SPTBN1: variants seen among roughly 807,000 people sequenced by gnomAD.
SPTBN1 encodes spectrin beta, non-erythrocytic 1, also known as spectrin beta chain, non-erythrocytic 1.
Under a neutral mutation model 266.4 loss-of-function variants are expected in SPTBN1, and 32 were observed. That is an observed-to-expected ratio of 0.12 (90% confidence interval 0.09 to 0.16). The LOEUF is 0.16. Among genes scored for constraint, SPTBN1 ranks in the 10% least tolerant of loss-of-function variants. SPTBN1 has a pLI of 1.00. For synonymous variants in SPTBN1, 1,336 were observed against 1,162.2 expected (o/e 1.15, Z -3.04); for missense variants, 2,296 against 3,067.1 (o/e 0.75, Z 5.94).
At position 54,562,533 on chromosome 2, in the gene SPTBN1, C is replaced by CTTTTTTTCTT. The variant is rs746897447; in HGVS notation, c.148+35974_148+35975insCTTTTTTTTT. On this transcript the variant is annotated intron_variant, in intron 2 of 35. Coordinates refer to ENST00000356805, the MANE Select transcript of SPTBN1 (RefSeq NM_003128.3). ...AAATGCTTACTTTTCTTTTCTTTTT[C>CTTTTTTTCTT]TTTTTTTTTTTTGAGGCAAGGTCTG... Among the ~76,000 whole-genome samples, 4 of 126,820 alleles carry CTTTTTTTCTT rather than the reference C, an allele frequency of 3.2e-5. 1 individual carries two copies. Among genetic ancestry groups the CTTTTTTTCTT allele is most frequent in the Admixed American group, 8.2e-5 (1 of 12,188 alleles). The allele number at this position is 126,820 out of a possible 152,430, so 83.2% of individuals were successfully genotyped here.
At chr2:54,532,441 C>T (rs770238602) in intron 2 of SPTBN1, among the ~76,000 whole-genome samples, 23 of 152,140 alleles carry the variant, frequency 1.5e-4, no homozygotes, top group Non-Finnish European at 3.1e-4. Context: ...TTTTATACTA[C>T]GTCTTTGAAA....
intron 33 of SPTBN1, among the ~76,000 whole-genome samples, chr2:54,665,428 C>A (rs1681305277): frequency 6.6e-6 from 1 of 152,184 alleles, no homozygotes; most frequent in Non-Finnish European, 1.5e-5. Context: ...CCACTTTATT[C>A]TAATTCACCC....
intron 26 of SPTBN1, chr2:54,652,452 G>C (rs897900913): frequency 6.6e-6 from 1 of 152,144 alleles, no homozygotes; most frequent in Non-Finnish European, 1.5e-5. Flanking sequence ...GGAGTCTCCT[G>C]CTGGATGCAC....
intron 1 of SPTBN1, among the ~76,000 whole-genome samples, chr2:54,465,034 T>TA (rs1472158068): frequency 6.6e-6 from 1 of 152,194 alleles, no homozygotes; most frequent in East Asian, 1.9e-4. Flanking sequence ...ATCAACACTT[T>TA]AAAAATTCTA....
At chr2:54,549,903 A>G (rs1320389276) in intron 2 of SPTBN1, among the ~76,000 whole-genome samples, 1 of 152,214 alleles carries the variant, frequency 6.6e-6, no homozygotes, top group Non-Finnish European at 1.5e-5. Context: ...AGATGGGGAC[A>G]GACATTTATT....
rs772660726 is a variant in SPTBN1, at chr2:54,489,726, C to G, written c.-48+33208C>G. 1.1e-3 allele frequency among the ~76,000 whole-genome samples: 160 copies of G among 152,244 alleles called. No homozygotes were observed. In the Middle Eastern group the frequency reaches 0.02, roughly 19 times the overall value. ...CAAAAAAAACCCAAAAATCACAATTCTGATTTGAGAGCTGATGACAGTTGC... is the reference window on the plus strand; with the variant it reads ...CAAAAAAAACCCAAAAATCACAATTGTGATTTGAGAGCTGATGACAGTTGC... On this transcript the variant is annotated intron_variant, in intron 1 of 35. Transcript: ENST00000356805.
intron 2 of SPTBN1, among the ~76,000 whole-genome samples, chr2:54,567,890 G>A (rs1573432282): frequency 6.6e-6 from 1 of 152,292 alleles, no homozygotes; most frequent in East Asian, 1.9e-4. Flanking sequence ...TTGCTGGAGT[G>A]AGAAACTTAG....
chr2:54,616,107 A>G, intron 4 of SPTBN1, 100 bp from the exon 5 acceptor site: 5 of 952,960 alleles, frequency 5.2e-6, no homozygotes, highest in Non-Finnish European at 7.9e-6. Flanking sequence ...CAAGGCTATG[A>G]TCTACAGTTT....
Position 54,645,522 on chromosome 2 carries a change from T to G in SPTBN1, c.4494+69T>G. On this transcript the variant is annotated intron_variant, in intron 21 of 35. Transcript: ENST00000356805. This position sits in a 1 kb window ranked among gnomAD's most constrained non-coding sequence, Gnocchi z 4.3. The stretch of plus-strand genomic sequence containing the variant: ...CTTGCCTGTGCTAAAGCCCACATTC[T>G]CACTTCTCAGTCATCCTCACCTTGG... The G allele has an allele frequency of 6.6e-7, 1 of 1,522,348 alleles. No individual in the cohort carries two copies. The highest frequency in any genetic ancestry group is 2.4e-5 in the East Asian group (1 of 42,428). The allele number at this position is 1,522,348 out of a possible 1,614,324, so 94.3% of individuals were successfully genotyped here.
chr2:54,592,076 A>G (rs1316046460), intron 2 of SPTBN1, among the ~76,000 whole-genome samples: 2 of 152,214 alleles, frequency 1.3e-5, no homozygotes, highest in Non-Finnish European at 2.9e-5. Flanking sequence ...TTGAGGTGGG[A>G]AGATTGCTTC....
Position 54,506,894 on chromosome 2 carries a change from C to CTCTTTTTTTTTTT in SPTBN1, c.-47-19477_-47-19476insCTTTTTTTTTTTT, listed in dbSNP as rs5831310. Among the ~76,000 whole-genome samples, 9 of 133,462 alleles carry CTCTTTTTTTTTTT rather than the reference C, an allele frequency of 6.7e-5. 2 individuals carry two copies. The highest frequency in any genetic ancestry group is 2.2e-4 in the Admixed American group (3 of 13,416). 87.6% of individuals were successfully genotyped at this position (133,462 alleles called of 152,430 possible). A position where few individuals can be genotyped will look rare whatever the true frequency, so the allele number is the denominator to read the frequency against. On this transcript the variant is annotated intron_variant, in intron 1 of 35. Transcript: ENST00000356805. ...AGTTTAGGTTGATCTGGTTCTCTCT[C>CTCTTTTTTTTTTT]TTTTTTTTTTTTTTGAGCAACAAGA...
intron 7 of SPTBN1, among the ~76,000 whole-genome samples, chr2:54,618,453 AAAG>A (rs1272973100): frequency 2.6e-5 from 4 of 152,230 alleles, no homozygotes; most frequent in Non-Finnish European, 4.4e-5. Context: ...CAGAACCAGG[AAAG>A]AAGAAGGTAT....
intron 16 of SPTBN1, 31 bp downstream of exon 16, chr2:54,631,642 C>A (rs370226046): frequency 2.4e-5 from 38 of 1,588,302 alleles, no homozygotes; most frequent in East Asian, 4.5e-5. Context: ...TGCTTCCTTT[C>A]GGTGAAAGCA....
In SPTBN1 at chr2:54,644,502, G is replaced by T; in HGVS notation, c.4185G>T (p.Trp1395Cys). The T allele has an allele frequency of 6.2e-7, 1 of 1,614,214 alleles. No homozygotes were observed. Among genetic ancestry groups the T allele is most frequent in the Non-Finnish European group, 8.5e-7 (1 of 1,180,034 alleles). Residue 1395 changes from tryptophan (W) to cysteine (C), a missense_variant, in exon 20 of 36, where the codon TGG (tryptophan) becomes TGT (cysteine). Coordinates refer to ENST00000356805, the MANE Select transcript of SPTBN1 (RefSeq NM_003128.3). ...FTQSCADLDK[W>C]LHGLESQIQS... ...AGAGCTGTGCAGATCTAGACAAATG[G>T]CTGCACGGCCTGGAGAGTCAGATTC...
intron 3 of SPTBN1, among the ~76,000 whole-genome samples, chr2:54,602,882 C>G (rs886771194): frequency 2.0e-5 from 3 of 152,148 alleles, no homozygotes; most frequent in Non-Finnish European, 4.4e-5. Context: ...TTAAGAGAAC[C>G]ATACTGGTAC....
chr2:54,571,194 G>T (rs1674039248), intron 2 of SPTBN1, among the ~76,000 whole-genome samples: 1 of 152,196 alleles, frequency 6.6e-6, no homozygotes, highest in South Asian at 2.1e-4. Context: ...TGGCGTGCCT[G>T]TCAAGGGCTG....
At chr2:54,530,858 A>T (rs1671193718) in intron 2 of SPTBN1, among the ~76,000 whole-genome samples, 1 of 152,082 alleles carries the variant, frequency 6.6e-6, no homozygotes, top group South Asian at 2.1e-4. Context: ...CTTTTCTGAC[A>T]CCTGAGTTTG....
At position 54,533,594 on chromosome 2, in the gene SPTBN1, A is replaced by G. The variant is rs1228430131; in HGVS notation, c.148+7028A>G. 3.9e-5 allele frequency among the ~76,000 whole-genome samples: 6 copies of G among 152,190 alleles called. No homozygotes were observed. On this transcript the variant is annotated intron_variant, in intron 2 of 35. Coordinates refer to ENST00000356805, the MANE Select transcript of SPTBN1 (RefSeq NM_003128.3). This position sits in a 1 kb window ranked among gnomAD's most constrained non-coding sequence, Gnocchi z 4.2. The stretch of plus-strand genomic sequence containing the variant: ...AGATGGAGTTTCGCTCTTGTCACCC[A>G]GGCTGTAGTACGATGGCGCGATCTT...
chr2:54,503,759 T>C (rs1385180046), intron 1 of SPTBN1, among the ~76,000 whole-genome samples: 1 of 152,182 alleles, frequency 6.6e-6, no homozygotes, highest in Non-Finnish European at 1.5e-5. Context: ...TACATAACTA[T>C]TCATCCCTCA....
Sources: gnomAD v4.1 joint callset for allele counts (sites outside exome capture counted in the v4.1 genomes callset) on GRCh38, gnomAD v4.1.1 for gene constraint, Gnocchi (gnomAD v3.1) non-coding constraint, MANE v1.5 for transcripts, NCBI Gene and HGNC (gene_info 2026-07-23, HGNC 2026-07-21) for gene names.